RGS12: variants seen among roughly 807,000 people sequenced by gnomAD.
The protein encoded by RGS12 is regulator of G-protein signaling 12.
In RGS12, 66 loss-of-function variants were observed where a neutral mutation model predicts 120.1. The ratio of observed to expected loss-of-function variants is 0.55; its 90% CI spans 0.45 to 0.67. RGS12 has a LOEUF of 0.67. RGS12 is among the 30% of genes least tolerant of loss of function. RGS12 has a pLI of 0.00. For synonymous variants in RGS12, 827 were observed against 804.7 expected, an observed-to-expected ratio of 1.03 and a Z score of -0.47; for missense variants, 1,859 against 1,957.7, an observed-to-expected ratio of 0.95 and a Z score of 0.95.
chr4:3,363,269 G>A (rs1715913393), intron 3 of RGS12, among the ~76,000 whole-genome samples: 2 of 152,158 alleles, frequency 1.3e-5, no homozygotes. Context: ...TTTCTGCAAA[G>A]TGGCATTATG....
chr4:3,321,660 G>A (rs1208477185), intron 2 of RGS12, among the ~76,000 whole-genome samples: 1 of 152,230 alleles, frequency 6.6e-6, no homozygotes, highest in African/African-American at 2.4e-5. Context: ...CCCCAGGGCA[G>A]GGTTTTCTGT....
At chr4:3,301,685 G>A (rs1723697093) in intron 1 of RGS12, among the ~76,000 whole-genome samples, 1 of 151,794 alleles carries the variant, frequency 6.6e-6, no homozygotes, top group South Asian at 2.1e-4. Context: ...TGAGGCCGGG[G>A]TCTGGGCTGT....
chr4:3,376,098 G>A (rs1443664325), intron 3 of RGS12, among the ~76,000 whole-genome samples: 1 of 152,212 alleles, frequency 6.6e-6, no homozygotes, highest in African/African-American at 2.4e-5. Context: ...ACACTACTTT[G>A]GGCTCAAAAG....
chr4:3,422,842 T>G, intron 11 of RGS12, 63 bp from the exon 12 acceptor site: 4 of 1,413,476 alleles, frequency 2.8e-6, no homozygotes, highest in Non-Finnish European at 4.0e-6. Context: ...CTGGGGCACG[T>G]GGGTCTGCGT....
chr4:3,438,464 G>T lies in RGS12; in HGVS notation c.4115-991G>T, dbSNP rs542361907. Among the ~76,000 whole-genome samples the T allele has an allele frequency of 1.2e-4, 18 of 152,092 alleles. No individual in the cohort carries two copies. The South Asian group carries it at 3.7e-3, about 32-fold the overall frequency. ...GGGCGGGAAGGGCTGGGCTCTCCCA[G>T]CACGGGGGCTTCACTGCCCCTTCCC... is the stretch of plus-strand genomic sequence containing the variant. On this transcript the variant is annotated intron_variant, in intron 17 of 17. Coordinates refer to ENST00000336727, the MANE Select transcript of RGS12 (RefSeq NM_001394154.1).
chr4:3,387,814 A>G (rs968113086), intron 4 of RGS12, among the ~76,000 whole-genome samples: 2 of 152,228 alleles, frequency 1.3e-5, no homozygotes, highest in African/African-American at 2.4e-5. Context: ...CAATTTATAC[A>G]TGAAAGATTT....
intron 1 of RGS12, among the ~76,000 whole-genome samples, chr4:3,311,634 C>T (rs922801571): frequency 1.4e-4 from 22 of 152,198 alleles, no homozygotes; most frequent in African/African-American, 5.1e-4. Flanking sequence ...TCAGTGTACA[C>T]AAACCTTGTT....
intron 3 of RGS12, among the ~76,000 whole-genome samples, chr4:3,362,670 AGTGTGAGGGTGAGGGTGT>A (rs1322938654): frequency 1.2e-5 from 1 of 86,664 alleles, no homozygotes; most frequent in African/African-American, 4.7e-5. Context: ...ACTGAGGCTG[AGTGTGAGGGTGAGGGTGT>A]GTGTGAGGGT....
At chr4:3,353,133 A>G (rs1714529303) in intron 3 of RGS12, among the ~76,000 whole-genome samples, 1 of 152,174 alleles carries the variant, frequency 6.6e-6, no homozygotes, top group South Asian at 2.1e-4. Context: ...TAAAGGTATA[A>G]TGAGCCACTG....
intron 3 of RGS12, among the ~76,000 whole-genome samples, chr4:3,376,491 C>T (rs563354327): frequency 7.9e-5 from 12 of 152,186 alleles, no homozygotes; most frequent in East Asian, 1.9e-4. Context: ...GAAGTCCTTG[C>T]GCTGCCACCC....
the RGS12 span, among the ~76,000 whole-genome samples, chr4:3,286,922 G>A: frequency 1.4e-3 from 211 of 152,288 alleles, 1 homozygote; most frequent in Admixed American, 2.4e-3. Flanking sequence ...GTGGAATTCC[G>A]CCCAGGCCGG....
chr4:3,288,797 A>G (rs544045078), upstream of RGS12, among the ~76,000 whole-genome samples: 27 of 152,316 alleles, frequency 1.8e-4, no homozygotes, highest in African/African-American at 5.5e-4. This position sits in a 1 kb window ranked among gnomAD's most constrained non-coding sequence, Gnocchi z 5.2. Flanking sequence ...TGGAGACTGC[A>G]TGAGGCATGT....
chr4:3,417,879 G>C, intron 9 of RGS12: 1 of 231,740 alleles, frequency 4.3e-6, no homozygotes, highest in Non-Finnish European at 8.4e-6. Flanking sequence ...AGGTGTTTTT[G>C]GTAGAAAATT....
chr4:3,391,691 C>T (rs1719518402), intron 4 of RGS12, among the ~76,000 whole-genome samples: 1 of 152,130 alleles, frequency 6.6e-6, no homozygotes, highest in African/African-American at 2.4e-5. Flanking sequence ...GTTTGGTGGT[C>T]TGGAGGCCAT....
In RGS12 at chr4:3,316,120, T is replaced by C. The variant is rs368640473; in HGVS notation, c.-51T>C. On this transcript the variant is annotated 5_prime_UTR_variant, in exon 2 of 18. An upstream start codon of the reference 5' UTR is lost. Coordinates refer to ENST00000336727, the MANE Select transcript of RGS12 (RefSeq NM_001394154.1). ...GTAGCATCAAGCATTCCTTGAAATA[T>C]GGCTCCAAGGGAACAATGAGACGTG... 6 of 1,491,096 alleles carry C rather than the reference T, an allele frequency of 4.0e-6. No individual in the cohort carries two copies. The African/African-American group carries it at 7.0e-5, about 17-fold the overall frequency. The allele number at this position is 1,491,096 out of a possible 1,614,324, so 92.4% of individuals were successfully genotyped here.
intron 4 of RGS12, among the ~76,000 whole-genome samples, chr4:3,400,355 TC>T (rs927706850): frequency 3.3e-5 from 5 of 152,320 alleles, no homozygotes; most frequent in Admixed American, 2.0e-4. Flanking sequence ...TTTCCATTCA[TC>T]CCACCATTCA....
At chr4:3,296,345 C>T (rs1037690120) in intron 1 of RGS12, among the ~76,000 whole-genome samples, 1 of 151,812 alleles carries the variant, frequency 6.6e-6, no homozygotes, top group African/African-American at 2.4e-5. Context: ...CCATGCCCAG[C>T]TAATTTTTTC....
chr4:3,394,684 C>T (rs537819330), intron 4 of RGS12, among the ~76,000 whole-genome samples: 105 of 152,288 alleles, frequency 6.9e-4, no homozygotes, highest in South Asian at 3.5e-3. Flanking sequence ...ATAGCTTACA[C>T]GCTGAAAGGT....
intron 3 of RGS12, among the ~76,000 whole-genome samples, chr4:3,355,794 CAAAAAAAAAAA>C (rs372490658): frequency 6.9e-5 from 4 of 58,084 alleles, no homozygotes; most frequent in South Asian, 7.3e-4. Context: ...GACCTTGTCT[CAAAAAAAAAAA>C]AAAAAAAAAA....
Sources: gnomAD v4.1 joint callset for allele counts (sites outside exome capture counted in the v4.1 genomes callset) on GRCh38, gnomAD v4.1.1 for gene constraint, Gnocchi (gnomAD v3.1) non-coding constraint, MANE v1.5 for transcripts, NCBI Gene and HGNC (gene_info 2026-07-23, HGNC 2026-07-21) for gene names.